Variants in IAH1 observed in about 807,000 individuals in gnomAD.
IAH1 encodes isoamyl acetate hydrolyzing esterase 1 (putative), also known as isoamyl acetate-hydrolyzing esterase 1 homolog.
Under a neutral mutation model 26.7 loss-of-function variants are expected in IAH1, and 24 were observed. That is an observed-to-expected ratio of 0.90 (90% CI 0.65 to 1.26). IAH1 has a LOEUF of 1.26. Ranked by LOEUF, IAH1 falls within the 50% of genes most tolerant of loss-of-function variation. IAH1 has a pLI of 0.00. For synonymous variants in IAH1, 140 were observed against 118.5 expected, an observed-to-expected ratio of 1.18 and a Z score of -1.18; for missense variants, 300 against 299.9, an observed-to-expected ratio of 1.00 and a Z score of 0.00.
intron 3 of IAH1, among the ~76,000 whole-genome samples, chr2:9,480,267 G>A (rs756283095): frequency 4.6e-5 from 7 of 152,152 alleles, no homozygotes; most frequent in Non-Finnish European, 8.8e-5. Context: ...GCTCATGCCT[G>A]TAATCCCAAC....
the IAH1 span, among the ~76,000 whole-genome samples, chr2:9,511,092 C>A: frequency 6.6e-6 from 1 of 151,902 alleles, no homozygotes. Context: ...CCCCTCGGCC[C>A]AATCACATGT....
chr2:9,473,820 T>G (rs1406284604), upstream of IAH1: 1 of 152,248 alleles, frequency 6.6e-6, no homozygotes, highest in African/African-American at 2.4e-5. Flanking sequence ...CTGTTACTCA[T>G]CTACAGCTCC....
At chr2:9,497,030 C>T, downstream of IAH1, 1 of 1,556,902 alleles carries the variant, frequency 6.4e-7, no homozygotes, top group Non-Finnish European at 8.7e-7. Flanking sequence ...CTGTCATTCG[C>T]ACAACCTCCA....
downstream of IAH1, among the ~76,000 whole-genome samples, chr2:9,498,453 GAAAA>G (rs756351254): frequency 6.6e-6 from 1 of 151,848 alleles, no homozygotes; most frequent in Non-Finnish European, 1.5e-5. Context: ...TAGAGGAGGA[GAAAA>G]AAAACACTTT....
Position 9,474,705 on chromosome 2 carries a change from A to T in IAH1, c.81+58A>T, listed in dbSNP as rs1042163716. 36 of 1,326,456 alleles carry T rather than the reference A, an allele frequency of 2.7e-5. No individual in the cohort carries two copies. Among genetic ancestry groups the T allele is most frequent in the Admixed American group, 7.0e-5 (3 of 42,606 alleles). 82.2% of individuals were successfully genotyped at this position (1,326,456 alleles called of 1,614,324 possible). ...CGGCCTCCCTGCGGGGTCGCTGCCG[A>T]GCAGGCCGAGGCTCCTCGCCGTCCT... On this transcript the variant is annotated intron_variant, in intron 1 of 5. Coordinates refer to ENST00000497473, the MANE Select transcript of IAH1 (RefSeq NM_001039613.3). This position sits in a 1 kb window ranked among gnomAD's most constrained non-coding sequence, Gnocchi z 4.3.
upstream of IAH1, chr2:9,473,964 G>A (rs1472303025): frequency 4.6e-5 from 7 of 152,246 alleles, no homozygotes; most frequent in African/African-American, 1.7e-4. Context: ...TCAGTGCTCC[G>A]TGTCCGCGGG....
chr2:9,476,142 T>TA, intron 2 of IAH1, 103 bp downstream of exon 2: 1 of 1,030,632 alleles, frequency 9.7e-7, no homozygotes, highest in Non-Finnish European at 1.5e-6. Context: ...CCTCCTTTAT[T>TA]AATTTTGCTT....
chr2:9,475,900 G>GA, intron 1 of IAH1, 87 bp from the exon 2 acceptor site: 1 of 1,156,732 alleles, frequency 8.6e-7, no homozygotes, highest in East Asian at 2.4e-5. Context: ...GGAGCGCCGA[G>GA]AAAACAGAAG....
chr2:9,497,282 G>A (rs1662685599), downstream of IAH1: 1 of 1,612,262 alleles, frequency 6.2e-7, no homozygotes, highest in African/African-American at 1.3e-5. Flanking sequence ...CAAAAAGAAT[G>A]AGTCACAGGT....
At chr2:9,496,853 C>T (rs1662645944), downstream of IAH1, among the ~76,000 whole-genome samples, 1 of 152,200 alleles carries the variant, frequency 6.6e-6, no homozygotes, top group African/African-American at 2.4e-5. Flanking sequence ...ACAAAATTCC[C>T]TCCTCTCCCA....
At chr2:9,484,607 G>A in intron 5 of IAH1, 57 bp downstream of exon 5, 1 of 1,168,134 alleles carries the variant, frequency 8.6e-7, no homozygotes, top group Non-Finnish European at 1.3e-6. Context: ...AAGTAAACCA[G>A]GTGTGTGTGC....
At position 9,484,531 on chromosome 2, in the gene IAH1, C is replaced by G. The variant is rs1396194181; in HGVS notation, c.545C>G (p.Thr182Ser). ...DCGTDVLDLW[T>S]LMQDSQDFSS... The stretch of plus-strand genomic sequence containing the variant: ...GGGACTGACGTACTTGACCTGTGGA[C>G]CCTGATGCAGGACAGCCAGGTACGG... Residue 182 changes from threonine (T) to serine (S), a missense_variant, in exon 5 of 6, where the codon ACC (threonine) becomes AGC (serine). By Grantham distance (58) the Thr-to-Ser change is moderately conservative (BLOSUM62 1). Transcript: ENST00000497473. The G allele has an allele frequency of 1.2e-6, 2 of 1,613,054 alleles. No individual in the cohort carries two copies. Among genetic ancestry groups the G allele is most frequent in the East Asian group, 4.5e-5 (2 of 44,884 alleles).
intron 1 of IAH1, chr2:9,475,593 C>A: frequency 4.1e-6 from 1 of 243,066 alleles, no homozygotes; most frequent in Non-Finnish European, 8.3e-6. Flanking sequence ...CTCCGCCTCC[C>A]GGATTCAAGC....
At chr2:9,479,260 A>G (rs980484853) in intron 3 of IAH1, among the ~76,000 whole-genome samples, 4 of 152,036 alleles carry the variant, frequency 2.6e-5, no homozygotes, top group African/African-American at 9.7e-5. Flanking sequence ...AATTTTTATC[A>G]AATTTAGCAT....
downstream of IAH1, among the ~76,000 whole-genome samples, chr2:9,494,156 G>A (rs187838877): frequency 6.6e-6 from 1 of 152,254 alleles, no homozygotes; most frequent in African/African-American, 2.4e-5. Context: ...GACTCCCTGT[G>A]AAGCCTCGTA....
chr2:9,492,836 C>A, downstream of IAH1: 1 of 1,401,592 alleles, frequency 7.1e-7, no homozygotes, highest in South Asian at 1.4e-5. Flanking sequence ...CCAGAGATTA[C>A]ATGGTTGGAG....
At chr2:9,482,910 G>A (rs908263846) in intron 4 of IAH1, among the ~76,000 whole-genome samples, 1 of 152,204 alleles carries the variant, frequency 6.6e-6, no homozygotes, top group Non-Finnish European at 1.5e-5. Flanking sequence ...GTTCTGCAGG[G>A]AAGGGGAGGT....
Position 9,474,987 on chromosome 2 carries a change from G to C in IAH1, c.81+340G>C. 9.1e-7 allele frequency: 1 copy of C among 1,097,456 alleles called. No individual in the cohort carries two copies. Among genetic ancestry groups the C allele is most frequent in the South Asian group, 2.3e-5 (1 of 43,008 alleles). The allele number at this position is 1,097,456 out of a possible 1,614,324, so 68.0% of individuals were successfully genotyped here. On this transcript the variant is annotated intron_variant, in intron 1 of 5. Transcript: ENST00000497473. This position sits in a 1 kb window ranked among gnomAD's most constrained non-coding sequence, Gnocchi z 4.3. The stretch of plus-strand genomic sequence containing the variant: ...TCCTGGGCAGCGGCCTTTCCCCTCC[G>C]GGTCCGGGTTAGCGGCCGCGGGCGA...
downstream of IAH1, among the ~76,000 whole-genome samples, chr2:9,492,516 AT>A (rs1244404550): frequency 1.3e-5 from 2 of 152,210 alleles, no homozygotes; most frequent in African/African-American, 4.8e-5. Flanking sequence ...TCTACATGAT[AT>A]ATGGGGAACA....
Sources: allele counts gnomAD v4.1 joint callset (sites outside exome capture counted in the v4.1 genomes callset), GRCh38; gene constraint gnomAD v4.1.1; non-coding constraint Gnocchi (gnomAD v3.1); transcripts MANE v1.5; gene names NCBI Gene and HGNC (gene_info 2026-07-23, HGNC 2026-07-21).